CAND2: variants seen among roughly 807,000 people sequenced by gnomAD.
CAND2 encodes the protein cullin-associated NEDD8-dissociated protein 2.
Under a neutral mutation model 98.9 loss-of-function variants are expected in CAND2, and 62 were observed. The observed-to-expected ratio is 0.63, with a 90% CI of 0.51 to 0.77. The LOEUF (loss-of-function observed/expected upper bound fraction) is 0.77. Ranked by LOEUF, CAND2 falls within the 30% of genes least tolerant of loss-of-function variation. CAND2 has a pLI of 0.00. For missense variants in CAND2, 1,501 were observed against 1,655.2 expected (o/e 0.91, Z 1.62); for synonymous variants, 770 against 731.9 (o/e 1.05, Z -0.84).
At chr3:12,807,869 T>C (rs945699863) in intron 3 of CAND2, among the ~76,000 whole-genome samples, 4 of 152,196 alleles carry the variant, frequency 2.6e-5, no homozygotes, top group Non-Finnish European at 5.9e-5. Flanking sequence ...CTTCCACTTA[T>C]ATCTCACTGG....
At chr3:12,824,492 C>A (rs1390158791) in intron 11 of CAND2, among the ~76,000 whole-genome samples, 1 of 152,208 alleles carries the variant, frequency 6.6e-6, no homozygotes, top group Non-Finnish European at 1.5e-5. Flanking sequence ...CACTGACCCA[C>A]TCCTGTAGTG....
At chr3:12,826,859 C>T (rs2062005484) in intron 12 of CAND2, among the ~76,000 whole-genome samples, 2 of 138,176 alleles carry the variant, frequency 1.4e-5, no homozygotes, top group South Asian at 2.2e-4. Flanking sequence ...GAGATGGAGT[C>T]TCGCTCTGTC....
At chr3:12,813,655 A>AGTATG (rs1396226405) in intron 7 of CAND2, among the ~76,000 whole-genome samples, 1 of 152,268 alleles carries the variant, frequency 6.6e-6, no homozygotes, top group Non-Finnish European at 1.5e-5. Flanking sequence ...ACAAGGACAC[A>AGTATG]TACTGAGAAG....
At chr3:12,802,419 G>T (rs975987221) in intron 1 of CAND2, among the ~76,000 whole-genome samples, 1 of 152,230 alleles carries the variant, frequency 6.6e-6, no homozygotes, top group African/African-American at 2.4e-5. Flanking sequence ...AATAATGGCA[G>T]TGCCATTTAC....
Position 12,808,236 on chromosome 3 carries a change from C to G in CAND2, c.394C>G (p.Arg132Gly), listed in dbSNP as rs902116407. The change falls in exon 4 of 15, where the codon CGG becomes GGG. Residue 132 changes from arginine (R) to glycine (G), a missense_variant. Arg to Gly is a moderately radical substitution (Grantham distance 125). This residue lies in a region of CAND2 where 1,427 missense variants were observed against 1,545.3 expected (regional missense o/e 0.92). Coordinates refer to ENST00000456430, the MANE Select transcript of CAND2 (RefSeq NM_001162499.2). ...TGSGLATNVC[R>G]KITGQLTSAI... ...CTCCGGGCTGGCCACCAACGTGTGC[C>G]GGAAGATCACAGGCCAGCTCACCAG... The G allele has an allele frequency of 6.4e-7, 1 of 1,551,140 alleles. No individual in the cohort carries two copies. The highest frequency in any genetic ancestry group is 2.4e-5 in the East Asian group (1 of 40,932).
At position 12,815,842 on chromosome 3, in the gene CAND2, C is replaced by T; in HGVS notation, c.1300-25C>T. Reference sequence around the variant, plus strand: ...GTAGGTTTCTTGGGTGTTCCCTGACCTTGACTTCCCCCTCCTGCCCACAGG... The same window carrying T: ...GTAGGTTTCTTGGGTGTTCCCTGACTTTGACTTCCCCCTCCTGCCCACAGG... On this transcript the variant is annotated intron_variant, in intron 8 of 14. Transcript: ENST00000456430. The surrounding 1 kb of genome is among the most constrained non-coding windows in gnomAD (Gnocchi z 5.7). 1 of 1,606,532 alleles carries T rather than the reference C, an allele frequency of 6.2e-7. No individual in the cohort carries two copies. The highest frequency in any genetic ancestry group is 1.1e-5 in the South Asian group (1 of 90,742).
Position 12,831,529 on chromosome 3 carries a change from T to C in CAND2, c.3440T>C (p.Val1147Ala). ...TGTCCTGCACCTGTCCTGCAGAGGG[T>C]GGACCGACTCATTGAGCCACTAAGG... ...TLCPAPVLQRVDRLIEPLRAT... is the reference protein window; with the variant it reads ...TLCPAPVLQRADRLIEPLRAT... The change falls in exon 14 of 15, where the codon GTG (valine) becomes GCG (alanine). Residue 1147 changes from valine to alanine, a missense_variant. Around this residue, in one of 3 missense-constraint regions of CAND2, gnomAD observed 1,427 missense variants for 1,545.3 expected, o/e 0.92. Coordinates refer to ENST00000456430, the MANE Select transcript of CAND2 (RefSeq NM_001162499.2). 6.2e-7 allele frequency: 1 copy of C among 1,613,844 alleles called. No homozygotes were observed. The highest frequency in any genetic ancestry group is 1.7e-4 in the Middle Eastern group (1 of 6,060).
In CAND2 at chr3:12,820,120, G is replaced by A. The variant is rs186179636; in HGVS notation, c.2979G>A (p.Ala993=). 394 of 1,614,104 alleles carry A rather than the reference G, an allele frequency of 2.4e-4. 1 individual carries two copies. Among genetic ancestry groups the A allele is most frequent in the Admixed American group, 1.3e-3 (81 of 60,014 alleles). ...RPHTRSTVIT[A]VKFLISDQPH... is the part of the protein sequence containing the mutation. ...ACACCCGGAGCACCGTCATCACAGC[G>A]GTCAAGTTCCTTATCTCGGACCAGC... The change falls in exon 11 of 15, where the codon GCG becomes GCA. Residue 993 remains alanine, a synonymous_variant. Transcript: ENST00000456430.
intron 5 of CAND2, among the ~76,000 whole-genome samples, chr3:12,812,479 A>G (rs1401463812): frequency 7.7e-6 from 1 of 130,236 alleles, no homozygotes; most frequent in African/African-American, 3.0e-5. Flanking sequence ...ATCTCGGCTC[A>G]CTGCAAGCTC....
chr3:12,803,448 C>T, intron 1 of CAND2, 40 bp from the exon 2 acceptor site: 1 of 1,544,080 alleles, frequency 6.5e-7, no homozygotes, highest in Non-Finnish European at 8.7e-7. Context: ...CACCAGGGCC[C>T]AGGAGCTGCT....
In CAND2 at chr3:12,813,366, G is replaced by A; in HGVS notation, c.984G>A (p.Glu328=). 2 of 1,614,034 alleles carry A rather than the reference G, an allele frequency of 1.2e-6. No individual in the cohort carries two copies. The highest frequency in any genetic ancestry group is 8.5e-7 in the Non-Finnish European group (1 of 1,179,974). ...AGGATGAGGAGCAGATGGAGACAGA[G>A]GATAGTGAATTCAGTGAGCAAGGTT... ...SDEDEEQMET[E]DSEFSEQESE... is the part of the protein sequence containing the mutation. Residue 328 remains glutamate (E), a synonymous_variant, in exon 7 of 15, where the codon GAG becomes GAA. Transcript: ENST00000456430.
At chr3:12,808,056 C>T (rs2061821056) in intron 3 of CAND2, among the ~76,000 whole-genome samples, 154 bp from the exon 4 acceptor site, 1 of 152,218 alleles carries the variant, frequency 6.6e-6, no homozygotes, top group South Asian at 2.1e-4. Flanking sequence ...TGACTTTGGC[C>T]AGACTCTGGG....
intron 2 of CAND2, among the ~76,000 whole-genome samples, chr3:12,804,223 G>C (rs1199868258): frequency 6.6e-6 from 1 of 152,126 alleles, no homozygotes; most frequent in Non-Finnish European, 1.5e-5. Context: ...AGAGGCCAAG[G>C]CAGGTGGATC....
Position 12,833,640 on chromosome 3 carries a change from G to C in CAND2, c.3484-115G>C, listed in dbSNP as rs569980849. 89 of 826,594 alleles carry C rather than the reference G, an allele frequency of 1.1e-4. 1 individual carries two copies. The Admixed American group carries it at 1.3e-3, about 12-fold the overall frequency. 51.2% of individuals were successfully genotyped at this position (826,594 alleles called of 1,614,324 possible). A position where few individuals can be genotyped will look rare whatever the true frequency, so the allele number is the denominator to read the frequency against. On this transcript the variant is annotated intron_variant, in intron 14 of 14. Coordinates refer to ENST00000456430, the MANE Select transcript of CAND2 (RefSeq NM_001162499.2). Reference sequence around the variant, plus strand: ...AGAAGCCTCAGGAGACCTCGCAGCAGGGATTTATGTTGGGGAAGATGATGG... The same window carrying C: ...AGAAGCCTCAGGAGACCTCGCAGCACGGATTTATGTTGGGGAAGATGATGG...
At chr3:12,800,168 ACAGT>A (rs1048475280) in intron 1 of CAND2, among the ~76,000 whole-genome samples, 7 of 152,202 alleles carry the variant, frequency 4.6e-5, no homozygotes, top group Non-Finnish European at 7.3e-5. Flanking sequence ...AGAGGTGGGC[ACAGT>A]CAGTCCTGCC....
intron 13 of CAND2, among the ~76,000 whole-genome samples, chr3:12,830,376 G>A (rs2062043766): frequency 6.6e-6 from 1 of 152,218 alleles, no homozygotes; most frequent in South Asian, 2.1e-4. Flanking sequence ...GACGGGAGGG[G>A]TGTACTCAGC....
At chr3:12,807,859 C>T (rs531354271) in intron 3 of CAND2, among the ~76,000 whole-genome samples, 26 of 152,326 alleles carry the variant, frequency 1.7e-4, no homozygotes, top group African/African-American at 5.3e-4. Flanking sequence ...CCCCAGAGGA[C>T]TTCCACTTAT....
chr3:12,818,135 T>C (rs2061924683), intron 10 of CAND2, among the ~76,000 whole-genome samples: 1 of 152,024 alleles, frequency 6.6e-6, no homozygotes. Context: ...AAAAATCTCA[T>C]GATGTTGGCT....
At position 12,822,532 on chromosome 3, in the gene CAND2, T is replaced by G. The variant is rs1658791542; in HGVS notation, c.3040+2351T>G. Among the ~76,000 whole-genome samples, 3 of 152,070 alleles carry G rather than the reference T, an allele frequency of 2.0e-5. No homozygotes were observed. In the South Asian group the frequency reaches 6.2e-4, roughly 31 times the overall value. On this transcript the variant is annotated intron_variant, in intron 11 of 14. Transcript: ENST00000456430. ...CAGGCTGGTCTCGAACTCCTAGGCT[T>G]AAGTGATCCACTCACCTTAGCCTCC... is the stretch of plus-strand genomic sequence containing the variant.
Sources: allele counts gnomAD v4.1 joint callset (sites outside exome capture counted in the v4.1 genomes callset), GRCh38; gene constraint gnomAD v4.1.1; regional missense constraint gnomAD v4.1.1; non-coding constraint Gnocchi (gnomAD v3.1); transcripts MANE v1.5; gene names NCBI Gene and HGNC (gene_info 2026-07-23, HGNC 2026-07-21).